CDK14: variants seen among roughly 807,000 people sequenced by gnomAD.
CDK14 encodes cyclin-dependent kinase 14.
Under a neutral mutation model 60.7 loss-of-function variants are expected in CDK14, and 34 were observed. The observed-to-expected ratio is 0.56, with a 90% CI of 0.43 to 0.75. The LOEUF (loss-of-function observed/expected upper bound fraction) is 0.75. Among genes scored for constraint, CDK14 ranks in the 30% least tolerant of loss-of-function variants. The pLI is 0.00. For synonymous variants in CDK14, 197 were observed against 203.7 expected (o/e 0.97, Z 0.28); for missense variants, 482 against 564.1 (o/e 0.85, Z 1.47).
chr7:90,668,263 C>G (rs1391195888), intron 2 of CDK14, among the ~76,000 whole-genome samples: 3 of 152,150 alleles, frequency 2.0e-5, no homozygotes, highest in Admixed American at 2.0e-4. Context: ...TCCCTACTGA[C>G]TAATGATGTT....
intron 9 of CDK14, among the ~76,000 whole-genome samples, chr7:90,978,099 C>A (rs531517091): frequency 6.6e-6 from 1 of 152,150 alleles, no homozygotes; most frequent in South Asian, 2.1e-4. Context: ...AAGCAATTAA[C>A]CAGGTACAGA....
chr7:91,095,245 G>A (rs769655568), intron 12 of CDK14, among the ~76,000 whole-genome samples: 8 of 152,290 alleles, frequency 5.3e-5, no homozygotes, highest in East Asian at 3.9e-4. Context: ...TGTCCTTAGC[G>A]CCTACAACAG....
At chr7:91,184,271 T>G in intron 14 of CDK14, among the ~76,000 whole-genome samples, 1 of 130,926 alleles carries the variant, frequency 7.6e-6, no homozygotes, top group Non-Finnish European at 1.6e-5. Context: ...GGTGACAGAG[T>G]GAGATCCTCT....
chr7:90,826,846 C>A (rs1022784531), intron 5 of CDK14, among the ~76,000 whole-genome samples: 11 of 152,066 alleles, frequency 7.2e-5, no homozygotes, highest in African/African-American at 2.7e-4. Context: ...ACATTCATTA[C>A]AATTCAATTG....
intron 14 of CDK14, among the ~76,000 whole-genome samples, chr7:91,201,785 C>T (rs1446415198): frequency 1.3e-5 from 2 of 152,142 alleles, no homozygotes; most frequent in African/African-American, 2.4e-5. Context: ...TGTTTGCTTG[C>T]ATTTAGCACT....
At chr7:90,684,993 T>G (rs1801402414) in intron 2 of CDK14, among the ~76,000 whole-genome samples, 1 of 151,842 alleles carries the variant, frequency 6.6e-6, no homozygotes, top group African/African-American at 2.4e-5. Context: ...CATAGATTTT[T>G]TTTTTTTCAT....
intron 13 of CDK14, among the ~76,000 whole-genome samples, chr7:91,114,451 A>T (rs1208912962): frequency 6.6e-6 from 1 of 152,152 alleles, no homozygotes. Flanking sequence ...CACAAAAAAT[A>T]CCTCAGGGTG....
intron 4 of CDK14, among the ~76,000 whole-genome samples, chr7:90,775,180 T>C: frequency 6.6e-6 from 1 of 152,226 alleles, no homozygotes; most frequent in Admixed American, 6.5e-5. Context: ...ACCAAGAGGC[T>C]TGAAATGCTG....
chr7:90,680,717 C>T (rs961327526), intron 2 of CDK14, among the ~76,000 whole-genome samples: 2 of 152,126 alleles, frequency 1.3e-5, no homozygotes, highest in African/African-American at 4.8e-5. Context: ...AGTGTTTGGG[C>T]GCTTTTGTTC....
At chr7:90,659,863 CTCTCTCTCTCTCTGTG>C (rs1178667836) in intron 2 of CDK14, among the ~76,000 whole-genome samples, 2 of 147,140 alleles carry the variant, frequency 1.4e-5, no homozygotes, top group East Asian at 2.0e-4. Flanking sequence ...CTCTCTCTCT[CTCTCTCTCTCTCTGTG>C]TGTGTGTGTG....
intron 2 of CDK14, among the ~76,000 whole-genome samples, chr7:90,610,291 C>G (rs1799512541): frequency 6.6e-6 from 1 of 152,182 alleles, no homozygotes; most frequent in African/African-American, 2.4e-5. Flanking sequence ...CCTATCTTAC[C>G]TAGTGGCTGC....
At chr7:91,171,985 A>G (rs745643581) in intron 14 of CDK14, among the ~76,000 whole-genome samples, 42 of 152,150 alleles carry the variant, frequency 2.8e-4, no homozygotes, top group Non-Finnish European at 5.6e-4. Context: ...TATTTTCTAC[A>G]GTTGATTAGA....
intron 6 of CDK14, among the ~76,000 whole-genome samples, chr7:90,885,885 A>G: frequency 6.6e-6 from 1 of 152,100 alleles, no homozygotes; most frequent in African/African-American, 2.4e-5. Flanking sequence ...CACAGAGAAG[A>G]ACAAAACACA....
chr7:91,056,446 T>C (rs1297065139), intron 11 of CDK14, among the ~76,000 whole-genome samples: 1 of 152,126 alleles, frequency 6.6e-6, no homozygotes, highest in Non-Finnish European at 1.5e-5. Flanking sequence ...TTAGGGTACA[T>C]GTGCACAATG....
At chr7:90,818,392 A>G (rs938129863) in intron 5 of CDK14, among the ~76,000 whole-genome samples, 2 of 152,212 alleles carry the variant, frequency 1.3e-5, no homozygotes, top group Admixed American at 1.3e-4. Context: ...AATCAAACTG[A>G]AAATGGGAAA....
intron 8 of CDK14, among the ~76,000 whole-genome samples, chr7:90,923,459 A>C (rs1018490475): frequency 1.5e-4 from 23 of 152,180 alleles, no homozygotes; most frequent in African/African-American, 5.3e-4. Context: ...AAATGGGAAC[A>C]AGAAGGATGT....
At chr7:91,043,063 G>A (rs1797133924) in intron 10 of CDK14, among the ~76,000 whole-genome samples, 1 of 152,128 alleles carries the variant, frequency 6.6e-6, no homozygotes, top group African/African-American at 2.4e-5. Context: ...TTTGAGGTCT[G>A]GAATCTCAAT....
intron 12 of CDK14, among the ~76,000 whole-genome samples, chr7:91,108,755 C>T (rs1233182023): frequency 1.3e-5 from 2 of 152,124 alleles, no homozygotes; most frequent in Non-Finnish European, 2.9e-5. Context: ...ATTATGAAAA[C>T]CTCCATTTTG....
rs192929388 is a variant in CDK14 at position 91,075,124 on chromosome 7, C to A, written c.1106-4308C>A. Among the ~76,000 whole-genome samples, 9 of 152,242 alleles carry A rather than the reference C, an allele frequency of 5.9e-5. No homozygotes were observed. In the East Asian group the frequency reaches 1.7e-3, roughly 29 times the overall value. ...CCAAACAATTGAAAAGGAGGGACTC[C>A]TTCCTAACACATTTTATGAGGCCAG... is the stretch of plus-strand genomic sequence containing the variant. On this transcript the variant is annotated intron_variant, in intron 11 of 14. Coordinates refer to ENST00000380050, the MANE Select transcript of CDK14 (RefSeq NM_001287135.2).
Sources: gnomAD v4.1 joint callset for allele counts (sites outside exome capture counted in the v4.1 genomes callset) on GRCh38, gnomAD v4.1.1 for gene constraint, MANE v1.5 for transcripts, NCBI Gene and HGNC (gene_info 2026-07-23, HGNC 2026-07-21) for gene names.